Variants in LACTBL1 observed in about 807,000 individuals in gnomAD.
LACTBL1 encodes beta-lactamase-like protein 1.
A neutral mutation model predicts 39.6 loss-of-function variants in LACTBL1; 29 were observed. The ratio of observed to expected loss-of-function variants is 0.73; its 90% CI spans 0.55 to 1.00. The LOEUF is 1.00. LACTBL1 is among the 50% of genes least tolerant of loss of function. The pLI, the probability that LACTBL1 is intolerant of heterozygous loss-of-function variation, is 0.00. For missense variants in LACTBL1, 711 were observed against 748.5 expected, an observed-to-expected ratio of 0.95 and a Z score of 0.59; for synonymous variants, 361 against 360.7, an observed-to-expected ratio of 1.00 and a Z score of -0.01.
intron 3 of LACTBL1, 32 bp downstream of exon 5, chr1:22,959,910 C>A: frequency 1.3e-6 from 2 of 1,550,394 alleles, no homozygotes; most frequent in South Asian, 1.2e-5. Flanking sequence ...TCCCTTACCC[C>A]TCCACAGGAC....
chr1:22,953,887 G>A lies in LACTBL1; in HGVS notation c.797C>T (p.Thr266Met), dbSNP rs1345499742. 52 of 1,549,830 alleles carry A rather than the reference G, an allele frequency of 3.4e-5. 1 individual carries two copies. In the Admixed American group the frequency reaches 8.4e-4, roughly 25 times the overall value. ...GGCCAGGCGCGCGCGCACGTCGGGC[G>A]TGAGGTCAAAGCCCGTGTCTGCCAT... is the stretch of plus-strand genomic sequence containing the variant. The change falls in exon 6 of 6, where the codon ACG (threonine) becomes ATG (methionine). Residue 266 changes from threonine to methionine, a missense_variant. Coordinates refer to ENST00000426928, the Ensembl canonical transcript of LACTBL1.
intron 2 of LACTBL1, among the ~76,000 whole-genome samples, chr1:22,960,979 C>T (rs569750285): frequency 1.3e-5 from 2 of 152,196 alleles, no homozygotes; most frequent in African/African-American, 2.4e-5. Context: ...GGCGTCTCAC[C>T]GTGTAGACCA....
chr1:22,954,290 A>T (rs1640741215), intron 5 of LACTBL1, among the ~76,000 whole-genome samples: 1 of 152,226 alleles, frequency 6.6e-6, no homozygotes. Context: ...TGCACCTGGG[A>T]AAGCTGTCAC....
upstream of LACTBL1, among the ~76,000 whole-genome samples, chr1:22,968,657 A>G (rs1640908096): frequency 6.6e-6 from 1 of 152,144 alleles, no homozygotes; most frequent in African/African-American, 2.4e-5. Context: ...AGAATAGTGT[A>G]GTGGTGAATC....
chr1:22,953,691 C>T (rs1261390608), exon 6 of LACTBL1: 2 of 1,298,304 alleles, frequency 1.5e-6, no homozygotes, highest in Non-Finnish European at 1.9e-6. Flanking sequence ...CCAGCAGCGG[C>T]GCCAGCAGCG....
At chr1:22,953,288 G>A (rs972196463) in exon 6 of LACTBL1, 10 of 1,226,598 alleles carry the variant, frequency 8.2e-6, no homozygotes, top group Admixed American at 4.2e-5. Flanking sequence ...CGGAACGCTG[G>A]AGGCACCAGC....
chr1:22,958,401 A>G (rs950798282), intron 4 of LACTBL1, among the ~76,000 whole-genome samples: 6 of 152,166 alleles, frequency 3.9e-5, no homozygotes, highest in African/African-American at 1.4e-4. Context: ...TGACTCGTTG[A>G]CTTGCTCTTG....
chr1:22,965,194 G>A, intron 1 of LACTBL1, 96 bp downstream of exon 3: 1 of 1,078,604 alleles, frequency 9.3e-7, no homozygotes, highest in Admixed American at 4.2e-5. Flanking sequence ...AAATCTTATG[G>A]TCCTCCCCTA....
At chr1:22,958,758 G>A (rs541473911) in exon 4 of LACTBL1, 197 of 1,550,644 alleles carry the variant, frequency 1.3e-4, no homozygotes, top group African/African-American at 9.7e-4. Flanking sequence ...GCTCCAGCCC[G>A]TCCATCAGGC....
intron 4 of LACTBL1, among the ~76,000 whole-genome samples, chr1:22,956,848 A>G (rs180853173): frequency 1.9e-4 from 29 of 152,202 alleles, no homozygotes; most frequent in African/African-American, 6.7e-4. Context: ...ATAATAAGTA[A>G]TTAATTTACA....
At position 22,962,082 on chromosome 1, in the gene LACTBL1, A is replaced by G. The variant is rs142564141; in HGVS notation, c.159+1025T>C. Among the ~76,000 whole-genome samples, 446 of 152,220 alleles carry G rather than the reference A, an allele frequency of 2.9e-3. 2 individuals carry two copies. Among genetic ancestry groups the G allele is most frequent in the African/African-American group, 0.01 (430 of 41,528 alleles). ...TTTCTGAGCCTCTGTCTCCTTCTCT[A>G]TAGATAGGGACTCATGAGGAATGCA... On this transcript the variant is annotated intron_variant, in intron 2 of 5. Coordinates refer to ENST00000426928, the Ensembl canonical transcript of LACTBL1.
chr1:22,959,147 G>A (rs1640791083), intron 3 of LACTBL1, among the ~76,000 whole-genome samples: 1 of 152,200 alleles, frequency 6.6e-6, no homozygotes, highest in South Asian at 2.1e-4. Context: ...CCTGGGCCAG[G>A]CTCTTTTCCA....
At chr1:22,960,892 G>A (rs1312076799) in intron 2 of LACTBL1, among the ~76,000 whole-genome samples, 6 of 152,000 alleles carry the variant, frequency 3.9e-5, no homozygotes, top group Non-Finnish European at 7.4e-5. Flanking sequence ...TGATCCTCCC[G>A]CCTCAACCTG....
At chr1:22,969,476 C>T (rs886777588), upstream of LACTBL1, among the ~76,000 whole-genome samples, 2 of 152,146 alleles carry the variant, frequency 1.3e-5, no homozygotes, top group African/African-American at 4.8e-5. Context: ...CAACCCTGCA[C>T]TCTCTTCCAC....
chr1:22,966,370 C>T (rs1290022869), upstream of LACTBL1, among the ~76,000 whole-genome samples: 1 of 152,196 alleles, frequency 6.6e-6, no homozygotes, highest in Non-Finnish European at 1.5e-5. Flanking sequence ...TCCTCCTTGC[C>T]TACCTCCCTT....
In LACTBL1 at chr1:22,960,617, C is replaced by CAAAAAAAAAAAAAAAAAAAAAAAAAA. The variant is rs35006759; in HGVS notation, c.160-519_160-518insTTTTTTTTTTTTTTTTTTTTTTTTTT. Among the ~76,000 whole-genome samples the CAAAAAAAAAAAAAAAAAAAAAAAAAA allele has an allele frequency of 5.3e-5, 2 of 38,008 alleles. 1 individual carries two copies. The highest frequency in any genetic ancestry group is 2.1e-4 in the African/African-American group (2 of 9,712). 24.9% of individuals were successfully genotyped at this position (38,008 alleles called of 152,430 possible). A position where few individuals can be genotyped will look rare whatever the true frequency, so the allele number is the denominator to read the frequency against. On this transcript the variant is annotated intron_variant, in intron 2 of 5. Coordinates refer to ENST00000426928, the Ensembl canonical transcript of LACTBL1. ...AGGCAGCAAGAGCGAAACTCCGTCT[C>CAAAAAAAAAAAAAAAAAAAAAAAAAA]AAAAAAAAAAAAAAAAAAAAAAAAA...
chr1:22,967,360 C>A (rs543353116), upstream of LACTBL1, among the ~76,000 whole-genome samples: 1 of 151,844 alleles, frequency 6.6e-6, no homozygotes, highest in African/African-American at 2.4e-5. Flanking sequence ...CAGAGTGAGA[C>A]CCTGTCTCAA....
At chr1:22,963,291 C>A in intron 1 of LACTBL1, 75 bp from the exon 4 acceptor site, 1 of 824,040 alleles carries the variant, frequency 1.2e-6, no homozygotes, top group South Asian at 3.3e-5. Flanking sequence ...GCAGCAAAGG[C>A]CAGAGCAGTG....
chr1:22,960,004 G>A (rs1191227004), exon 3 of LACTBL1: 4 of 1,551,126 alleles, frequency 2.6e-6, no homozygotes, highest in Admixed American at 2.0e-5. Flanking sequence ...TCTTCCCAAA[G>A]TTCCCTGTCC....
Sources: allele counts gnomAD v4.1 joint callset (sites outside exome capture counted in the v4.1 genomes callset), GRCh38; gene constraint gnomAD v4.1.1; transcripts MANE v1.5; gene names NCBI Gene and HGNC (gene_info 2026-07-23, HGNC 2026-07-21).